ACAD11: variants seen among roughly 807,000 people sequenced by gnomAD.
ACAD11 encodes acyl-Coenzyme A dehydrogenase family, member 11.
ACAD11 carries 83 observed loss-of-function variants against 102.2 expected under a neutral mutation model. The observed-to-expected ratio is 0.81, with a 90% CI of 0.68 to 0.97. The LOEUF is 0.97. Ranked by LOEUF, ACAD11 falls within the 50% of genes least tolerant of loss-of-function variation. The probability of loss-of-function intolerance (pLI) is 0.00; values close to 1 mark genes in which losing one functional copy is unlikely to be tolerated. For missense variants in ACAD11, 901 were observed against 951.7 expected (o/e 0.95, Z 0.70); for synonymous variants, 324 against 319.8 (o/e 1.01, Z -0.14).
chr3:132,597,174 T>C (rs966639951), intron 13 of ACAD11: 1 of 152,158 alleles, frequency 6.6e-6, no homozygotes, highest in African/African-American at 2.4e-5. Flanking sequence ...GGAAATAAAA[T>C]ATCAAGTGCT....
chr3:132,624,383 G>C (rs1320621963), intron 9 of ACAD11, among the ~76,000 whole-genome samples: 4 of 151,564 alleles, frequency 2.6e-5, no homozygotes, highest in South Asian at 2.1e-4. Context: ...GAGGTGCGCG[G>C]ATCACGAGGT....
At chr3:132,648,463 A>G (rs991175715) in intron 1 of ACAD11, 1 of 152,106 alleles carries the variant, frequency 6.6e-6, no homozygotes, top group African/African-American at 2.4e-5. Flanking sequence ...GACTCATGGC[A>G]TCATCCTAGA....
intron 11 of ACAD11, among the ~76,000 whole-genome samples, chr3:132,606,920 C>T (rs1277527754): frequency 6.6e-6 from 1 of 152,210 alleles, no homozygotes; most frequent in African/African-American, 2.4e-5. Flanking sequence ...AGGGATGAAA[C>T]TTCCAGAGGA....
At chr3:132,563,233 A>G (rs1364820676) in intron 17 of ACAD11, among the ~76,000 whole-genome samples, 2 of 152,356 alleles carry the variant, frequency 1.3e-5, no homozygotes, top group African/African-American at 4.8e-5. Context: ...TCTTAAGATT[A>G]GGTAGTGTGA....
At chr3:132,643,725 C>T (rs1488206108) in intron 2 of ACAD11, among the ~76,000 whole-genome samples, 3 of 150,646 alleles carry the variant, frequency 2.0e-5, no homozygotes, top group Non-Finnish European at 3.0e-5. Context: ...TGTTGGGAAA[C>T]GAGGGGGAGG....
At chr3:132,603,422 T>A in intron 12 of ACAD11, 95 bp from the exon 13 acceptor site, 1 of 1,068,640 alleles carries the variant, frequency 9.4e-7, no homozygotes. Flanking sequence ...GACATCTTTA[T>A]CTTTTTCAAT....
intron 5 of ACAD11, 130 bp from the exon 6 acceptor site, chr3:132,631,609 G>T: frequency 1.5e-6 from 1 of 657,050 alleles, no homozygotes; most frequent in Non-Finnish European, 2.2e-6. Context: ...TTTACCCACA[G>T]TGGCATATCT....
At chr3:132,639,961 T>C (rs1334387118) in intron 4 of ACAD11, among the ~76,000 whole-genome samples, 2 of 150,722 alleles carry the variant, frequency 1.3e-5, no homozygotes, top group Admixed American at 1.3e-4. Flanking sequence ...AAAAAAAGAA[T>C]GCATACAAAC....
chr3:132,659,675 T>G lies in ACAD11; in HGVS notation c.77A>C (p.Glu26Ala). Residue 26 changes from glutamate to alanine, a missense_variant, in exon 1 of 20, where the codon GAG (glutamate) becomes GCG (alanine). Coordinates refer to ENST00000264990, the MANE Select transcript of ACAD11 (RefSeq NM_032169.5). ...PQHKFDSKSL[E>A]AYLNQHLSGF... Reference sequence around the variant, plus strand: ...AGACAAGTGCTGGTTTAGGTAGGCCTCCAGGGACTTGCTGTCGAACTTGTG... The same window carrying G: ...AGACAAGTGCTGGTTTAGGTAGGCCGCCAGGGACTTGCTGTCGAACTTGTG... The G allele has an allele frequency of 6.2e-7, 1 of 1,611,616 alleles. No homozygotes were observed. Among genetic ancestry groups the G allele is most frequent in the Non-Finnish European group, 8.5e-7 (1 of 1,178,844 alleles).
chr3:132,578,990 G>A, intron 14 of ACAD11, 109 bp from the exon 15 acceptor site: 1 of 1,544,186 alleles, frequency 6.5e-7, no homozygotes. Flanking sequence ...AGTCATGTAA[G>A]CAGTGATGAC....
At chr3:132,641,698 G>GAAGAAGAAGAAGAAGAAGAAGAAGAA in intron 4 of ACAD11, among the ~76,000 whole-genome samples, 1 of 116,640 alleles carries the variant, frequency 8.6e-6, no homozygotes, top group Non-Finnish European at 1.7e-5. Context: ...AAGAGGAAGA[G>GAAGAAGAAGAAGAAGAAGAAGAAGAA]GAAGAAGAAG....
chr3:132,635,873 A>G (rs1940256866), intron 5 of ACAD11, among the ~76,000 whole-genome samples: 1 of 151,800 alleles, frequency 6.6e-6, no homozygotes, highest in Admixed American at 6.6e-5. Flanking sequence ...TTATAATATT[A>G]TAAGTATTAT....
intron 9 of ACAD11, chr3:132,620,468 G>A (rs576964972): frequency 6.6e-6 from 1 of 152,226 alleles, no homozygotes; most frequent in South Asian, 2.1e-4. Context: ...CAGAACATGA[G>A]TTCAAAATAA....
chr3:132,651,917 G>A (rs940821021), intron 1 of ACAD11, among the ~76,000 whole-genome samples: 2 of 152,160 alleles, frequency 1.3e-5, no homozygotes, highest in African/African-American at 4.8e-5. Context: ...TAGGCAGAAG[G>A]GACTTACCTT....
In ACAD11 at chr3:132,656,296, T is replaced by C. The variant is rs188448757; in HGVS notation, c.149+3307A>G. The stretch of plus-strand genomic sequence containing the variant: ...ACAGTACAATGAACATCTTTGTAGA[T>C]TGTCCCCTTATACTGTAGTACAAGA... On this transcript the variant is annotated intron_variant, in intron 1 of 19. Transcript: ENST00000264990. 3.9e-5 allele frequency among the ~76,000 whole-genome samples: 6 copies of C among 152,328 alleles called. No homozygotes were observed. In the East Asian group the frequency reaches 5.8e-4, roughly 15 times the overall value.
chr3:132,658,853 G>C (rs768058306), intron 1 of ACAD11, among the ~76,000 whole-genome samples: 2 of 152,020 alleles, frequency 1.3e-5, no homozygotes, highest in African/African-American at 2.4e-5. Flanking sequence ...TCATTAATAA[G>C]ACTAATCAAA....
intron 11 of ACAD11, among the ~76,000 whole-genome samples, chr3:132,611,652 G>T (rs1207786784): frequency 6.6e-6 from 1 of 151,870 alleles, no homozygotes; most frequent in Non-Finnish European, 1.5e-5. Flanking sequence ...AAATACCTAG[G>T]AATCCAACTT....
At chr3:132,616,414 T>C (rs1222376425) in intron 11 of ACAD11, among the ~76,000 whole-genome samples, 1 of 152,214 alleles carries the variant, frequency 6.6e-6, no homozygotes, top group Non-Finnish European at 1.5e-5. Context: ...TTATGATCCA[T>C]TAGTGCATCA....
At position 132,642,096 on chromosome 3, in the gene ACAD11, C is replaced by T. The variant is rs750928955; in HGVS notation, c.413G>A (p.Ser138Asn). 3 of 1,613,974 alleles carry T rather than the reference C, an allele frequency of 1.9e-6. No homozygotes were observed. The highest frequency in any genetic ancestry group is 2.5e-6 in the Non-Finnish European group (3 of 1,179,950). Residue 138 changes from serine (S) to asparagine (N), a missense_variant, in exon 4 of 20, where the codon AGC becomes AAC. Physicochemically the swap from Ser to Asn is conservative, Grantham distance 46. Transcript: ENST00000264990. Reference protein sequence around the residue: ...IFRDLTIPGLSPAERSAIYVA... With the variant: ...IFRDLTIPGLNPAERSAIYVA... ...ATATATGGCTGAACGTTCTGCTGGG[C>T]TAAGTCCAGGAATTGTTAAATCACG...
Sources: allele counts gnomAD v4.1 joint callset (sites outside exome capture counted in the v4.1 genomes callset), GRCh38; gene constraint gnomAD v4.1.1; transcripts MANE v1.5; gene names NCBI Gene and HGNC (gene_info 2026-07-23, HGNC 2026-07-21).